Variants in APBB1IP observed in about 807,000 individuals in gnomAD.
The protein encoded by APBB1IP is amyloid beta precursor protein binding family B member 1 interacting protein.
APBB1IP carries 27 observed loss-of-function variants against 64.9 expected under a neutral mutation model. That is an observed-to-expected ratio of 0.42 (90% CI 0.31 to 0.57). The LOEUF (loss-of-function observed/expected upper bound fraction) is 0.57. Ranked by LOEUF, APBB1IP falls within the 20% of genes least tolerant of loss-of-function variation. The pLI is 0.20. For missense variants in APBB1IP, 812 were observed against 845.5 expected, an observed-to-expected ratio of 0.96 and a Z score of 0.49; for synonymous variants, 392 against 331.0, an observed-to-expected ratio of 1.18 and a Z score of -2.00.
At chr10:26,504,775 C>T (rs751334602) in intron 6 of APBB1IP, among the ~76,000 whole-genome samples, 14 of 151,866 alleles carry the variant, frequency 9.2e-5, no homozygotes, top group African/African-American at 2.9e-4. Flanking sequence ...CAGTCTTCAT[C>T]GTGTTTTGTT....
At chr10:26,559,412 A>G (rs954294598) in intron 11 of APBB1IP, among the ~76,000 whole-genome samples, 5 of 149,784 alleles carry the variant, frequency 3.3e-5, no homozygotes, top group African/African-American at 9.9e-5. Flanking sequence ...AAAAAAAAAA[A>G]CAACGTTTTT....
chr10:26,489,298 C>T (rs1835928649), intron 2 of APBB1IP, among the ~76,000 whole-genome samples: 1 of 152,130 alleles, frequency 6.6e-6, no homozygotes, highest in Admixed American at 6.5e-5. Flanking sequence ...GGGAGCAGAA[C>T]ATTCAGATGG....
chr10:26,451,848 C>T (rs1173047316), intron 2 of APBB1IP, among the ~76,000 whole-genome samples: 1 of 152,212 alleles, frequency 6.6e-6, no homozygotes, highest in African/African-American at 2.4e-5. Context: ...AATCAGTAGA[C>T]ATGGAGACTT....
intron 11 of APBB1IP, among the ~76,000 whole-genome samples, chr10:26,542,829 C>T (rs1368069518): frequency 6.6e-6 from 1 of 151,296 alleles, no homozygotes; most frequent in Non-Finnish European, 1.5e-5. Flanking sequence ...ATAATAAAAA[C>T]CACTATACTA....
At chr10:26,528,294 C>G (rs1479108925) in intron 8 of APBB1IP, among the ~76,000 whole-genome samples, 1 of 152,198 alleles carries the variant, frequency 6.6e-6, no homozygotes, top group African/African-American at 2.4e-5. Context: ...ACTGCATTAA[C>G]CCCATAGCTC....
At chr10:26,562,243 A>C (rs1044818163) in intron 13 of APBB1IP, 83 bp from the exon 14 acceptor site, 30 of 1,059,318 alleles carry the variant, frequency 2.8e-5, no homozygotes, top group Non-Finnish European at 4.0e-5. Flanking sequence ...TAGAGATGCA[A>C]ACTGCTTTGT....
At chr10:26,543,480 GAAAAGA>G (rs1836723542) in intron 11 of APBB1IP, among the ~76,000 whole-genome samples, 1 of 135,912 alleles carries the variant, frequency 7.4e-6, no homozygotes, top group African/African-American at 2.5e-5. Context: ...AAAAAAAAAA[GAAAAGA>G]AAAAGAAAAA....
Position 26,496,384 on chromosome 10 carries a change from T to C in APBB1IP, c.153T>C (p.Asp51=). 6.2e-7 allele frequency: 1 copy of C among 1,607,970 alleles called. No individual in the cohort carries two copies. Among genetic ancestry groups the C allele is most frequent in the South Asian group, 1.1e-5 (1 of 90,772 alleles). Reference sequence around the variant, plus strand: ...TTAACTACAGTGTGGGGTTTAAAGATTTAAATGGTAAGCATAACAATTTCT... The same window carrying C: ...TTAACTACAGTGTGGGGTTTAAAGACTTAAATGGTAAGCATAACAATTTCT... ...AEFNYSVGFK[D]LNESLNALED... The change falls in exon 4 of 15, where the codon GAT becomes GAC. Residue 51 remains aspartate, a synonymous_variant. Transcript: ENST00000376236.
intron 7 of APBB1IP, 58 bp downstream of exon 7, chr10:26,511,964 A>C: frequency 1.3e-6 from 2 of 1,577,806 alleles, no homozygotes; most frequent in Admixed American, 3.5e-5. Context: ...TTTGCTGTAT[A>C]ATGGGCTTGG....
chr10:26,526,543 AC>A (rs2132457502), intron 8 of APBB1IP, among the ~76,000 whole-genome samples: 1 of 152,100 alleles, frequency 6.6e-6, no homozygotes, highest in Non-Finnish European at 1.5e-5. Context: ...ACATGGTGAA[AC>A]CCTGTCTCTA....
At chr10:26,559,125 C>A (rs1836934034) in intron 11 of APBB1IP, among the ~76,000 whole-genome samples, 1 of 152,158 alleles carries the variant, frequency 6.6e-6, no homozygotes, top group Non-Finnish European at 1.5e-5. Flanking sequence ...AATTCTATGA[C>A]ATAAGAATTA....
At chr10:26,458,249 G>A (rs937737644) in intron 2 of APBB1IP, among the ~76,000 whole-genome samples, 14 of 152,084 alleles carry the variant, frequency 9.2e-5, no homozygotes, top group African/African-American at 1.7e-4. Context: ...TTAGCTGAGC[G>A]AGGTGGCATG....
chr10:26,444,536 G>A (rs1835371014), intron 2 of APBB1IP, among the ~76,000 whole-genome samples: 1 of 152,172 alleles, frequency 6.6e-6, no homozygotes, highest in African/African-American at 2.4e-5. Flanking sequence ...TGAGAAAGAG[G>A]AGTCAAGGAT....
intron 11 of APBB1IP, among the ~76,000 whole-genome samples, chr10:26,556,702 G>A (rs1000060830): frequency 6.6e-6 from 1 of 152,222 alleles, no homozygotes. Flanking sequence ...GATTTAGTCT[G>A]CTCTGGAAAC....
intron 6 of APBB1IP, among the ~76,000 whole-genome samples, chr10:26,509,009 T>TAACATTTTC (rs1224553445): frequency 3.9e-5 from 6 of 152,234 alleles, no homozygotes; most frequent in Non-Finnish European, 8.8e-5. Flanking sequence ...TTTCTAAGCC[T>TAACATTTTC]TAACATTGGT....
intron 2 of APBB1IP, among the ~76,000 whole-genome samples, chr10:26,444,246 A>G (rs1456445073): frequency 6.6e-6 from 1 of 152,116 alleles, no homozygotes; most frequent in Non-Finnish European, 1.5e-5. Context: ...AGAGAAACAG[A>G]TGTGGTTGGA....
chr10:26,489,819 G>A (rs1312200925), intron 2 of APBB1IP, among the ~76,000 whole-genome samples: 2 of 152,220 alleles, frequency 1.3e-5, no homozygotes, highest in African/African-American at 4.8e-5. Flanking sequence ...GAGGTCAGGA[G>A]TTCAAGAACA....
intron 2 of APBB1IP, among the ~76,000 whole-genome samples, chr10:26,456,653 G>A (rs1448524863): frequency 6.8e-6 from 1 of 146,510 alleles, no homozygotes; most frequent in African/African-American, 2.5e-5. Context: ...GTGGGAGGAT[G>A]GCTTTTGTCC....
intron 11 of APBB1IP, among the ~76,000 whole-genome samples, chr10:26,555,115 A>T (rs1270672503): frequency 1.3e-5 from 2 of 152,102 alleles, no homozygotes; most frequent in Non-Finnish European, 2.9e-5. Flanking sequence ...ATTTCTCGTT[A>T]ATCTATGAGC....
Sources: gnomAD v4.1 joint callset for allele counts (sites outside exome capture counted in the v4.1 genomes callset) on GRCh38, gnomAD v4.1.1 for gene constraint, MANE v1.5 for transcripts, NCBI Gene and HGNC (gene_info 2026-07-23, HGNC 2026-07-21) for gene names.